The following TSBP1 variants were observed in gnomAD, a reference collection of about 807,000 sequenced individuals.
TSBP1 encodes the protein testis-expressed basic protein 1.
In TSBP1, 56 loss-of-function variants were observed where a neutral mutation model predicts 68.8. That is an observed-to-expected ratio of 0.81 (90% CI 0.66 to 1.02). The LOEUF (loss-of-function observed/expected upper bound fraction) is 1.02. Among genes scored for constraint, TSBP1 ranks in the 50% least tolerant of loss-of-function variants. TSBP1 has a pLI of 0.00. For synonymous variants in TSBP1, 171 were observed against 208.7 expected, an observed-to-expected ratio of 0.82 and a Z score of 1.56; for missense variants, 502 against 641.2, an observed-to-expected ratio of 0.78 and a Z score of 2.34.
Position 32,302,750 on chromosome 6 carries a change from T to C in TSBP1, c.581-121A>G. The C allele has an allele frequency of 1.5e-6, 1 of 670,264 alleles. No homozygotes were observed. The highest frequency in any genetic ancestry group is 2.6e-6 in the Non-Finnish European group (1 of 385,350). The allele number at this position is 670,264 out of a possible 1,614,324, so 41.5% of individuals were successfully genotyped here. A position where few individuals can be genotyped will look rare whatever the true frequency, so the allele number is the denominator to read the frequency against. ...GGTACCATAAAGACTTCTAGCAGAA[T>C]ACAATGAAATATGATGAGACAACAG... On this transcript the variant is annotated intron_variant, in intron 19 of 22. Coordinates refer to ENST00000612031, the Ensembl canonical transcript of TSBP1. This position sits in a 1 kb window ranked among gnomAD's most constrained non-coding sequence, Gnocchi z 5.1.
intron 20 of TSBP1, among the ~76,000 whole-genome samples, chr6:32,301,935 G>T (rs1193264158): frequency 6.9e-6 from 1 of 143,948 alleles, no homozygotes; most frequent in Non-Finnish European, 1.5e-5. Context: ...GGTAAGAATG[G>T]ATTTTACATA....
chr6:32,363,193 G>A (rs1021969515), intron 6 of TSBP1, among the ~76,000 whole-genome samples: 1 of 151,950 alleles, frequency 6.6e-6, no homozygotes, highest in Non-Finnish European at 1.5e-5. Flanking sequence ...CACCCCTACC[G>A]TCTTTTGTTT....
chr6:32,299,992 C>G, intron 21 of TSBP1, 56 bp from the exon 25 acceptor site: 1 of 1,414,418 alleles, frequency 7.1e-7, no homozygotes, highest in East Asian at 2.3e-5. Context: ...CAAGAGAAAC[C>G]CACCTTCCAA....
chr6:32,342,512 C>T (rs973218832), intron 9 of TSBP1, among the ~76,000 whole-genome samples: 4 of 152,032 alleles, frequency 2.6e-5, no homozygotes, highest in African/African-American at 7.3e-5. Context: ...AGTTATGTAA[C>T]GGACTTGAAA....
intron 16 of TSBP1, among the ~76,000 whole-genome samples, chr6:32,327,415 A>G (rs547303563): frequency 6.6e-6 from 1 of 152,282 alleles, no homozygotes; most frequent in East Asian, 1.9e-4. Flanking sequence ...CAGAGAGGAT[A>G]TGGGGGGCCC....
chr6:32,362,016 C>T (rs1357829495), intron 6 of TSBP1, among the ~76,000 whole-genome samples: 3 of 151,972 alleles, frequency 2.0e-5, no homozygotes, highest in Non-Finnish European at 2.9e-5. Context: ...ACGGGCCGGG[C>T]GCGGTGGCTC....
In TSBP1 at chr6:32,335,470, GAGAAA is replaced by G. The variant is rs536209413; in HGVS notation, c.452-18_452-14del. On this transcript the variant is annotated splice_polypyrimidine_tract_variant and intron_variant, in intron 13 of 22. Transcript: ENST00000612031. The surrounding 1 kb of genome is among the most constrained non-coding windows in gnomAD (Gnocchi z 5.5). Reference sequence around the variant, plus strand: ...TTTTGAGAGAGCTCTAAAAAAAAAAGAGAAAAGAAATCAGTAGCTATATATATATT... The same window carrying G: ...TTTTGAGAGAGCTCTAAAAAAAAAAGAGAAATCAGTAGCTATATATATATT... 1.2e-3 allele frequency: 1,753 copies of G among 1,403,146 alleles called. 3 individuals are homozygous for G. The highest frequency in any genetic ancestry group is 4.0e-3 in the Middle Eastern group (20 of 5,044). 86.9% of individuals were successfully genotyped at this position (1,403,146 alleles called of 1,614,324 possible).
In TSBP1 at chr6:32,335,966, A is replaced by T; in HGVS notation, c.431-34T>A. 6.3e-7 allele frequency: 1 copy of T among 1,586,738 alleles called. No individual in the cohort carries two copies. The highest frequency in any genetic ancestry group is 8.6e-7 in the Non-Finnish European group (1 of 1,160,280). On this transcript the variant is annotated intron_variant, in intron 12 of 22. Coordinates refer to ENST00000612031, the Ensembl canonical transcript of TSBP1. The surrounding 1 kb of genome is among the most constrained non-coding windows in gnomAD (Gnocchi z 5.5). Reference sequence around the variant, plus strand: ...GAGAAAGAGGGAGAAAGAAAAAGATATCAGTATGCTTCACCACTGTGAAGG... The same window carrying T: ...GAGAAAGAGGGAGAAAGAAAAAGATTTCAGTATGCTTCACCACTGTGAAGG...
chr6:32,324,063 C>T (rs1767939716), intron 16 of TSBP1, among the ~76,000 whole-genome samples: 3 of 152,118 alleles, frequency 2.0e-5, no homozygotes, highest in African/African-American at 7.2e-5. Flanking sequence ...CTCCCCTGCC[C>T]TTTATTTTTT....
At chr6:32,344,108 A>G (rs2127617984) in intron 9 of TSBP1, among the ~76,000 whole-genome samples, 1 of 151,450 alleles carries the variant, frequency 6.6e-6, no homozygotes, top group African/African-American at 2.4e-5. Flanking sequence ...TATTTATTTT[A>G]TTTTATTATT....
At position 32,316,825 on chromosome 6, in the gene TSBP1, G is replaced by A. The variant is rs11753387; in HGVS notation, c.560-1033C>T. Among the ~76,000 whole-genome samples, 4 of 152,066 alleles carry A rather than the reference G, an allele frequency of 2.6e-5. No individual in the cohort carries two copies. Among genetic ancestry groups the A allele is most frequent in the South Asian group, 2.1e-4 (1 of 4,824 alleles). ...TAGAAATGAGTAGGGTAGGCCAGGC[G>A]CCTTGGCTCACACCTGTAATCCCAG... is the stretch of plus-strand genomic sequence containing the variant. On this transcript the variant is annotated intron_variant, in intron 18 of 22. Transcript: ENST00000612031. This position sits in a 1 kb window ranked among gnomAD's most constrained non-coding sequence, Gnocchi z 4.5.
chr6:32,342,662 A>G (rs1770516209), intron 9 of TSBP1, among the ~76,000 whole-genome samples: 1 of 152,236 alleles, frequency 6.6e-6, no homozygotes, highest in Non-Finnish European at 1.5e-5. Context: ...GAAAATAATT[A>G]ACAAGCAAAT....
At position 32,322,520 on chromosome 6, in the gene TSBP1, A is replaced by C; in HGVS notation, c.559+597T>G. The C allele has an allele frequency of 6.3e-7, 1 of 1,585,232 alleles. No homozygotes were observed. Among genetic ancestry groups the C allele is most frequent in the Non-Finnish European group, 8.7e-7 (1 of 1,153,998 alleles). On this transcript the variant is annotated intron_variant, in intron 18 of 22. Coordinates refer to ENST00000612031, the Ensembl canonical transcript of TSBP1. ...TCTGTGAAATTACTGAAAAATAAGCAAACAGAAATCCATTTAATTTTTCTC... is the reference window on the plus strand; with the variant it reads ...TCTGTGAAATTACTGAAAAATAAGCCAACAGAAATCCATTTAATTTTTCTC...
In TSBP1 at chr6:32,323,607, T is replaced by G. The variant is rs779837423; in HGVS notation, c.522A>C (p.Pro174=). The G allele has an allele frequency of 8.7e-6, 14 of 1,612,384 alleles. 1 individual carries two copies. The South Asian group carries it at 1.5e-4, about 18-fold the overall frequency. Residue 174 remains proline, a synonymous_variant, in exon 17 of 23, where the codon CCA becomes CCC. Transcript: ENST00000612031. ...TGAACTTACCGCGGGGTGCTGAAGG[T>G]GGACCAGCTGAAAAACAGAGAGGTA...
chr6:32,341,576 G>A (rs1326405076), intron 9 of TSBP1, among the ~76,000 whole-genome samples: 1 of 152,178 alleles, frequency 6.6e-6, no homozygotes, highest in African/African-American at 2.4e-5. Context: ...TGGGAGCTCT[G>A]TTTTCAGATG....
exon 23 of TSBP1, chr6:32,293,778 C>T: frequency 6.2e-7 from 1 of 1,612,856 alleles, no homozygotes; most frequent in Non-Finnish European, 8.5e-7. Context: ...TTTGGTATTC[C>T]AGCGTCACTG....
chr6:32,330,781 G>T (rs144582173), intron 15 of TSBP1, among the ~76,000 whole-genome samples, 172 bp from the exon 17 acceptor site: 1 of 151,766 alleles, frequency 6.6e-6, no homozygotes, highest in Admixed American at 6.6e-5. Flanking sequence ...AGGGATTCTC[G>T]TGCCTCAGCC....
Position 32,333,238 on chromosome 6 carries a change from C to T in TSBP1, c.473-1184G>A, listed in dbSNP as rs1769264860. Reference sequence around the variant, plus strand: ...TATTGGCCAGGCTGGTCTCAAACTTCTGACCTTGTGATCCCCTGGTCTTAG... The same window carrying T: ...TATTGGCCAGGCTGGTCTCAAACTTTTGACCTTGTGATCCCCTGGTCTTAG... On this transcript the variant is annotated intron_variant, in intron 14 of 22. Coordinates refer to ENST00000612031, the Ensembl canonical transcript of TSBP1. The surrounding 1 kb of genome is among the most constrained non-coding windows in gnomAD (Gnocchi z 4.2). 6.6e-6 allele frequency among the ~76,000 whole-genome samples: 1 copy of T among 151,666 alleles called. No individual in the cohort carries two copies. The highest frequency in any genetic ancestry group is 2.1e-4 in the South Asian group (1 of 4,800).
At chr6:32,358,450 A>G (rs1356425126) in intron 6 of TSBP1, among the ~76,000 whole-genome samples, 1 of 152,164 alleles carries the variant, frequency 6.6e-6, no homozygotes, top group Non-Finnish European at 1.5e-5. Flanking sequence ...GTTCTAGGGT[A>G]TATGTGCACA....
Sources: gnomAD v4.1 joint callset for allele counts (sites outside exome capture counted in the v4.1 genomes callset) on GRCh38, gnomAD v4.1.1 for gene constraint, Gnocchi (gnomAD v3.1) non-coding constraint, MANE v1.5 for transcripts, NCBI Gene and HGNC (gene_info 2026-07-23, HGNC 2026-07-21) for gene names.